The following PYY variants were observed in gnomAD, a reference collection of about 807,000 sequenced individuals.
PYY encodes the protein peptide tyrosine tyrosine.
Under a neutral mutation model 10.3 loss-of-function variants are expected in PYY, and 12 were observed. The ratio of observed to expected loss-of-function variants is 1.17; its 90% CI spans 0.75 to 1.89. The LOEUF is 1.89. PYY is among the 40% of genes most tolerant of loss of function. The probability of loss-of-function intolerance (pLI) is 0.00; values close to 1 mark genes in which losing one functional copy is unlikely to be tolerated. For missense variants in PYY, 141 were observed against 134.0 expected, an observed-to-expected ratio of 1.05 and a Z score of -0.26; for synonymous variants, 66 against 62.0, an observed-to-expected ratio of 1.06 and a Z score of -0.30.
At chr17:44,004,226 C>A (rs1597863452) in intron 1 of PYY, among the ~76,000 whole-genome samples, 1 of 147,842 alleles carries the variant, frequency 6.8e-6, no homozygotes, top group Non-Finnish European at 1.5e-5. Context: ...CAGCACCACC[C>A]GCCCCCGCCC....
At chr17:43,996,010 T>C (rs1304924445) in intron 1 of PYY, among the ~76,000 whole-genome samples, 4 of 151,116 alleles carry the variant, frequency 2.6e-5, no homozygotes, top group Non-Finnish European at 5.9e-5. Context: ...AAGAAAAAAA[T>C]TATATATATA....
chr17:43,994,318 G>A (rs1302375460), intron 1 of PYY, among the ~76,000 whole-genome samples: 1 of 151,942 alleles, frequency 6.6e-6, no homozygotes, highest in Non-Finnish European at 1.5e-5. Context: ...CCCTGCAGCG[G>A]CTCCCCAGGT....
chr17:43,978,762 G>A (rs2048864912), intron 1 of PYY, among the ~76,000 whole-genome samples: 1 of 152,158 alleles, frequency 6.6e-6, no homozygotes, highest in Non-Finnish European at 1.5e-5. Flanking sequence ...AACACTAAAG[G>A]TAGACAGGAA....
chr17:43,999,251 C>T (rs2049009845), intron 1 of PYY, among the ~76,000 whole-genome samples: 1 of 151,932 alleles, frequency 6.6e-6, no homozygotes, highest in Admixed American at 6.6e-5. Context: ...TCACTGGTGA[C>T]CTTGACAGTG....
rs34129519 is a variant in PYY at position 44,001,768 on chromosome 17, A to AG, written c.-463+2622_-463+2623insC. Among the ~76,000 whole-genome samples, 142,612 of 152,168 alleles carry AG rather than the reference A, an allele frequency of 0.94. 66,884 individuals carry two copies. The highest frequency in any genetic ancestry group is 1 in the East Asian group (5,161 of 5,164). On this transcript the variant is annotated intron_variant, in intron 1 of 6. Transcript: ENST00000360085. Reference sequence around the variant, plus strand: ...TTGGGTGGATCCCTAGGAAGCCCCCATCTGAGGGAGATACCAGTCCTGCCC... The same window carrying AG: ...TTGGGTGGATCCCTAGGAAGCCCCCAGTCTGAGGGAGATACCAGTCCTGCCC...
intron 1 of PYY, among the ~76,000 whole-genome samples, chr17:43,996,986 G>C (rs1483372960): frequency 1.3e-5 from 2 of 152,052 alleles, no homozygotes; most frequent in African/African-American, 4.8e-5. Context: ...ACTGCACGTG[G>C]CCTAATTTTT....
At chr17:43,980,091 C>T (rs1301126139) in intron 1 of PYY, among the ~76,000 whole-genome samples, 1 of 151,736 alleles carries the variant, frequency 6.6e-6, no homozygotes, top group Non-Finnish European at 1.5e-5. Flanking sequence ...ACCATTTTTC[C>T]TCATTTCTAA....
At chr17:43,996,553 C>G (rs1042765997) in intron 1 of PYY, among the ~76,000 whole-genome samples, 2 of 152,184 alleles carry the variant, frequency 1.3e-5, no homozygotes, top group Non-Finnish European at 2.9e-5. Context: ...CAACCTCCAC[C>G]TCCTGGGTTC....
chr17:43,972,236 G>A (rs1275365881), intron 1 of PYY, among the ~76,000 whole-genome samples: 2 of 144,142 alleles, frequency 1.4e-5, no homozygotes, highest in Non-Finnish European at 3.1e-5. Context: ...TATTGAGAGA[G>A]GGAGTCTCAT....
chr17:43,972,647 G>C (rs1216962217), intron 1 of PYY, among the ~76,000 whole-genome samples: 2 of 151,964 alleles, frequency 1.3e-5, no homozygotes, highest in Non-Finnish European at 2.9e-5. Context: ...TCCCACCTCA[G>C]CCTTCCTAGT....
At chr17:43,974,731 G>A (rs1406087537) in intron 1 of PYY, among the ~76,000 whole-genome samples, 1 of 152,052 alleles carries the variant, frequency 6.6e-6, no homozygotes, top group African/African-American at 2.4e-5. Context: ...CGGGAATTCG[G>A]GTCCTAACAT....
At chr17:43,986,032 G>A (rs980571866) in intron 1 of PYY, among the ~76,000 whole-genome samples, 3 of 152,226 alleles carry the variant, frequency 2.0e-5, no homozygotes, top group South Asian at 2.1e-4. Context: ...TGAAGTGGGC[G>A]GATCACCTGA....
At position 43,953,109 on chromosome 17, in the gene PYY, C is replaced by A; in HGVS notation, c.269G>T (p.Arg90Leu). ...GATGTGTGGTAACGGGCGCTTTTAC[C>A]GCGACCTGACGGGGCGGTCCTCGCC... The part of the protein sequence containing the change: ...PDGEDRPVRS[R>L]SEGPDLW The change falls in exon 3 of 4, where the codon CGG (arginine) becomes CTG (leucine). Residue 90 changes from arginine (R) to leucine (L), a missense_variant and splice_region_variant. By Grantham distance (102) the Arg-to-Leu change is moderately radical. Transcript: ENST00000692052. 6.2e-7 allele frequency: 1 copy of A among 1,613,906 alleles called. No homozygotes were observed. Among genetic ancestry groups the A allele is most frequent in the Non-Finnish European group, 8.5e-7 (1 of 1,179,880 alleles).
intron 1 of PYY, among the ~76,000 whole-genome samples, chr17:43,992,630 C>A (rs1024802271): frequency 4.6e-5 from 7 of 152,048 alleles, no homozygotes; most frequent in Non-Finnish European, 1.0e-4. Flanking sequence ...CTGCTTGAAC[C>A]TGGGAGGCGG....
intron 2 of PYY, among the ~76,000 whole-genome samples, chr17:43,962,597 C>T (rs958768953): frequency 2.0e-5 from 3 of 152,196 alleles, no homozygotes; most frequent in Non-Finnish European, 2.9e-5. Flanking sequence ...CTCAGACTGC[C>T]GGGACCAATT....
intron 1 of PYY, among the ~76,000 whole-genome samples, chr17:43,998,755 A>C (rs1453603220): frequency 6.6e-6 from 1 of 152,074 alleles, no homozygotes; most frequent in Non-Finnish European, 1.5e-5. Context: ...TTTGGCTCTG[A>C]GAAAAGAGGA....
chr17:43,971,453 C>G (rs1255969933), intron 1 of PYY, among the ~76,000 whole-genome samples: 1 of 151,788 alleles, frequency 6.6e-6, no homozygotes, highest in Non-Finnish European at 1.5e-5. Flanking sequence ...GTCTGTAATC[C>G]CAGCTACTCA....
chr17:43,984,478 C>A (rs916201499), intron 1 of PYY, among the ~76,000 whole-genome samples: 2 of 152,248 alleles, frequency 1.3e-5, no homozygotes, highest in African/African-American at 4.8e-5. Context: ...CTGCCATCTG[C>A]TTTCATTTTC....
rs767278651 is a variant in PYY at position 43,953,456 on chromosome 17, C to T, written c.28G>A (p.Ala10Thr). MVFVRRPWPALTTVLLALLV... is the reference protein window; with the variant it reads MVFVRRPWPTLTTVLLALLV... ...AGGGCCAGAAGCACTGTGGTCAAGG[C>T]GGGCCACGGCCTGCGCACGAACACC... The change falls in exon 2 of 4, where the codon GCC becomes ACC. Residue 10 changes from alanine (A) to threonine (T), a missense_variant. Coordinates refer to ENST00000692052, the MANE Select transcript of PYY (RefSeq NM_001394028.1). The T allele has an allele frequency of 1.2e-6, 2 of 1,607,278 alleles. No homozygotes were observed. Among genetic ancestry groups the T allele is most frequent in the African/African-American group, 1.3e-5 (1 of 74,710 alleles).
Sources: gnomAD v4.1 joint callset for allele counts (sites outside exome capture counted in the v4.1 genomes callset) on GRCh38, gnomAD v4.1.1 for gene constraint, MANE v1.5 for transcripts, NCBI Gene and HGNC (gene_info 2026-07-23, HGNC 2026-07-21) for gene names.